STK24: variants seen among roughly 807,000 people sequenced by gnomAD.
STK24 encodes the protein serine/threonine-protein kinase 24.
Under a neutral mutation model 55.6 loss-of-function variants are expected in STK24, and 21 were observed. That is an observed-to-expected ratio of 0.38 (90% confidence interval 0.27 to 0.54). The LOEUF is 0.54. STK24 is among the 20% of genes least tolerant of loss of function. The pLI is 0.79. For synonymous variants in STK24, 200 were observed against 215.2 expected (o/e 0.93, Z 0.62); for missense variants, 383 against 538.4 (o/e 0.71, Z 2.86).
At chr13:98,529,404 G>C (rs922533458) in intron 1 of STK24, among the ~76,000 whole-genome samples, 3 of 152,110 alleles carry the variant, frequency 2.0e-5, no homozygotes, top group African/African-American at 7.2e-5. Context: ...CCTGCTGTCA[G>C]AGTTGATCTT....
At chr13:98,492,349 C>G (rs1015500377) in intron 2 of STK24, among the ~76,000 whole-genome samples, 1 of 152,024 alleles carries the variant, frequency 6.6e-6, no homozygotes, top group South Asian at 2.1e-4. Context: ...GCCCTTTCTG[C>G]GATAGGAAGC....
At chr13:98,494,938 A>C (rs902941592) in intron 2 of STK24, among the ~76,000 whole-genome samples, 2 of 152,190 alleles carry the variant, frequency 1.3e-5, no homozygotes, top group Non-Finnish European at 2.9e-5. Context: ...CGCATCCAGC[A>C]CAGAAGGAAC....
chr13:98,546,609 C>T lies in STK24; in HGVS notation c.43-27136G>A, dbSNP rs903425178. ...CGCAGTCAACCAACCCAGAGATAAG[C>T]AGGCCAGCTTATCCTCCAAACATCG... On this transcript the variant is annotated intron_variant, in intron 1 of 10. Transcript: ENST00000539966. Among the ~76,000 whole-genome samples, 97 of 152,272 alleles carry T rather than the reference C, an allele frequency of 6.4e-4. 1 individual carries two copies. The highest frequency in any genetic ancestry group is 2.2e-3 in the African/African-American group (92 of 41,558).
intron 1 of STK24, among the ~76,000 whole-genome samples, chr13:98,573,254 T>G (rs1045124147): frequency 6.6e-6 from 1 of 152,228 alleles, no homozygotes; most frequent in African/African-American, 2.4e-5. Flanking sequence ...TGATAAAATT[T>G]TGTAACAGAA....
At chr13:98,519,522 C>T (rs1896185139) in intron 1 of STK24, 49 bp from the exon 2 acceptor site, 2 of 1,407,592 alleles carry the variant, frequency 1.4e-6, no homozygotes, top group African/African-American at 2.9e-5. Context: ...CTCATAGCAC[C>T]ACAACTCCTT....
At position 98,457,233 on chromosome 13, in the gene STK24, T is replaced by G; in HGVS notation, c.1194A>C (p.Leu398=). Residue 398 remains leucine, a synonymous_variant, in exon 10 of 11, where the codon CTA becomes CTC. Coordinates refer to ENST00000539966, the MANE Select transcript of STK24 (RefSeq NM_001032296.4). The part of the protein sequence containing the change: ...SIEELRGAIY[L]AEEACPGISD... ...AGATGCCAGGGCACGCCTCCTCCGC[T>G]AGGTAGATGGCCCCTCGCAGCTCTT... 6.2e-7 allele frequency: 1 copy of G among 1,613,468 alleles called. No homozygotes were observed. Among genetic ancestry groups the G allele is most frequent in the Non-Finnish European group, 8.5e-7 (1 of 1,180,038 alleles).
intron 8 of STK24, among the ~76,000 whole-genome samples, chr13:98,461,125 T>C (rs1216616307): frequency 6.6e-6 from 1 of 152,038 alleles, no homozygotes; most frequent in Non-Finnish European, 1.5e-5. Flanking sequence ...AGGTCAAGAT[T>C]GGCCATTCCA....
intron 1 of STK24, among the ~76,000 whole-genome samples, chr13:98,524,652 T>C (rs1295017854): frequency 2.0e-5 from 3 of 152,232 alleles, no homozygotes; most frequent in Admixed American, 1.3e-4. Flanking sequence ...CTAAGTGATA[T>C]AGCGGTTTCT....
chr13:98,526,249 G>C (rs1594640693), intron 1 of STK24, among the ~76,000 whole-genome samples: 1 of 152,042 alleles, frequency 6.6e-6, no homozygotes, highest in Non-Finnish European at 1.5e-5. Context: ...TTTTTTCGTG[G>C]ATGCAAAATT....
Position 98,451,191 on chromosome 13 carries a change from G to C in STK24, c.*1982C>G, listed in dbSNP as rs957906915. On this transcript the variant is annotated 3_prime_UTR_variant, in exon 11 of 11. Transcript: ENST00000539966. ...CTGTAAATCAGAAAAGCTGCTGTCCGCCCTGGCTCACTTAAAAATCAGGTA... is the reference window on the plus strand; with the variant it reads ...CTGTAAATCAGAAAAGCTGCTGTCCCCCCTGGCTCACTTAAAAATCAGGTA... The C allele has an allele frequency of 6.6e-6, 1 of 152,036 alleles. No homozygotes were observed. Among genetic ancestry groups the C allele is most frequent in the Non-Finnish European group, 1.5e-5 (1 of 68,020 alleles). The allele number at this position is 152,036 out of a possible 1,614,324, so 9.4% of individuals were successfully genotyped here. A position where few individuals can be genotyped will look rare whatever the true frequency, so the allele number is the denominator to read the frequency against.
intron 1 of STK24, among the ~76,000 whole-genome samples, chr13:98,552,130 T>A (rs576795378): frequency 6.6e-6 from 1 of 152,350 alleles, no homozygotes; most frequent in South Asian, 2.1e-4. Flanking sequence ...TGCTTCTGTA[T>A]TGTCTAATTT....
At chr13:98,506,055 T>C (rs1229352638) in intron 2 of STK24, among the ~76,000 whole-genome samples, 1 of 152,202 alleles carries the variant, frequency 6.6e-6, no homozygotes, top group East Asian at 1.9e-4. Context: ...ACCTACAAAT[T>C]AATTTACTTC....
chr13:98,463,623 C>T (rs1261970438), intron 7 of STK24, 68 bp downstream of exon 7: 2 of 1,507,338 alleles, frequency 1.3e-6, no homozygotes, highest in Non-Finnish European at 1.8e-6. Context: ...GAAACCCACA[C>T]CAAACAGTGA....
intron 2 of STK24, among the ~76,000 whole-genome samples, chr13:98,491,676 C>T (rs1346075222): frequency 7.2e-6 from 1 of 138,442 alleles, no homozygotes. Flanking sequence ...GCATTACAAA[C>T]ATTCATTACT....
At chr13:98,520,662 A>T (rs1165919292) in intron 1 of STK24, among the ~76,000 whole-genome samples, 2 of 152,244 alleles carry the variant, frequency 1.3e-5, no homozygotes, top group Non-Finnish European at 2.9e-5. Flanking sequence ...GAGTGACGTG[A>T]GCCTCAGGGC....
rs1892842223 is a variant in STK24, at chr13:98,446,475, C to G, written c.*6698G>C. ...ACGGGGGTTGGCTTTATCTACAGCT[C>G]AGTCCTGGCGGGACTTGCCACCCGG... On this transcript the variant is annotated 3_prime_UTR_variant, in exon 11 of 11. Transcript: ENST00000539966. 1.6e-6 allele frequency: 1 copy of G among 627,854 alleles called. No homozygotes were observed. Among genetic ancestry groups the G allele is most frequent in the East Asian group, 2.7e-5 (1 of 36,578 alleles). The allele number at this position is 627,854 out of a possible 1,614,324, so 38.9% of individuals were successfully genotyped here. A position where few individuals can be genotyped will look rare whatever the true frequency, so the allele number is the denominator to read the frequency against.
At chr13:98,502,346 C>G (rs1895503631) in intron 2 of STK24, among the ~76,000 whole-genome samples, 1 of 152,180 alleles carries the variant, frequency 6.6e-6, no homozygotes, top group South Asian at 2.1e-4. Context: ...AAAAGACTGA[C>G]ACCTTACTCT....
At chr13:98,522,113 C>T (rs1186399182) in intron 1 of STK24, 2 of 1,295,236 alleles carry the variant, frequency 1.5e-6, no homozygotes, top group East Asian at 3.5e-5. Flanking sequence ...ACCAGTGCTG[C>T]AATGTCGTGT....
chr13:98,576,496 C>T (rs1252655911), intron 1 of STK24, among the ~76,000 whole-genome samples: 1 of 152,082 alleles, frequency 6.6e-6, no homozygotes, highest in South Asian at 2.1e-4. Flanking sequence ...GGCGCCCGCA[C>T]CCCCACATCC....
Sources: gnomAD v4.1 joint callset for allele counts (sites outside exome capture counted in the v4.1 genomes callset) on GRCh38, gnomAD v4.1.1 for gene constraint, MANE v1.5 for transcripts, NCBI Gene and HGNC (gene_info 2026-07-23, HGNC 2026-07-21) for gene names.